Variants in EXD1 observed in about 807,000 individuals in gnomAD.
EXD1 encodes the protein piRNA biogenesis protein EXD1.
In EXD1, 63 loss-of-function variants were observed where a neutral mutation model predicts 49.1. The ratio of observed to expected loss-of-function variants is 1.28; its 90% CI spans 1.05 to 1.58. The LOEUF is 1.58. EXD1 is among the 40% of genes most tolerant of loss of function. EXD1 has a pLI of 0.00. For synonymous variants in EXD1, 234 were observed against 239.2 expected, an observed-to-expected ratio of 0.98 and a Z score of 0.20; for missense variants, 748 against 666.0, an observed-to-expected ratio of 1.12 and a Z score of -1.36.
chr15:41,204,409 G>A (rs2046790467), intron 7 of EXD1, among the ~76,000 whole-genome samples: 1 of 151,706 alleles, frequency 6.6e-6, no homozygotes, highest in Admixed American at 6.6e-5. Context: ...AAATTAGCCG[G>A]GCATGGTGGT....
chr15:41,218,777 T>C (rs1029902292), intron 3 of EXD1, among the ~76,000 whole-genome samples: 15 of 152,302 alleles, frequency 9.8e-5, no homozygotes, highest in Admixed American at 8.5e-4. Context: ...GACAGAGTGT[T>C]CATGACAGCA....
chr15:41,202,164 A>T (rs148317195), intron 7 of EXD1, among the ~76,000 whole-genome samples: 5,189 of 132,394 alleles, frequency 0.039, 121 homozygotes, highest in African/African-American at 0.054. Context: ...ATATATATAT[A>T]TATTTTTTTT....
rs2046370518 is a variant in EXD1 at position 41,184,334 on chromosome 15, T to A, written c.1316A>T (p.Lys439Ile). ...QDFHGDVNLL[K>I]EESLNKQATN... ...AGCTTGTTTATTCAAAGATTCTTCTTTCAGTAAATTCACATCCCCGTGAAA... is the reference window on the plus strand; with the variant it reads ...AGCTTGTTTATTCAAAGATTCTTCTATCAGTAAATTCACATCCCCGTGAAA... The change falls in exon 12 of 12, where the codon AAA (lysine) becomes ATA (isoleucine). Residue 439 changes from lysine (K) to isoleucine (I), a missense_variant. Coordinates refer to ENST00000458580, the MANE Select transcript of EXD1 (RefSeq NM_001286441.2). The A allele has an allele frequency of 6.2e-7, 1 of 1,614,198 alleles. No individual in the cohort carries two copies. The highest frequency in any genetic ancestry group is 8.5e-7 in the Non-Finnish European group (1 of 1,180,042).
At chr15:41,192,790 ATTTT>A (rs57676752) in intron 9 of EXD1, among the ~76,000 whole-genome samples, 3 of 74,766 alleles carry the variant, frequency 4.0e-5, no homozygotes, top group African/African-American at 6.6e-5. Context: ...TATTCTTAAG[ATTTT>A]TTTTTTTTTT....
chr15:41,205,003 A>C (rs1181546413), intron 7 of EXD1, among the ~76,000 whole-genome samples: 5 of 152,204 alleles, frequency 3.3e-5, no homozygotes, highest in African/African-American at 9.6e-5. Context: ...ACATTAGATC[A>C]TATCTTTTTG....
rs999793941 is a variant in EXD1 at position 41,183,994 on chromosome 15, G to A, written c.1656C>T (p.Leu552=). ...TCTTCTCCAAGGCTGGACAGGGAGG[G>A]AGTGTGGAAACCACAGTCTTTCTGA... is the stretch of plus-strand genomic sequence containing the variant. ...YPIRKTVVST[L]PPCPALEKID... The change falls in exon 12 of 12, where the codon CTC becomes CTT. Residue 552 remains leucine, a synonymous_variant. Transcript: ENST00000458580. 3 of 1,613,926 alleles carry A rather than the reference G, an allele frequency of 1.9e-6. No individual in the cohort carries two copies. Among genetic ancestry groups the A allele is most frequent in the African/African-American group, 2.7e-5 (2 of 74,916 alleles).
chr15:41,187,695 T>G (rs1362877775), intron 11 of EXD1, among the ~76,000 whole-genome samples: 2 of 152,150 alleles, frequency 1.3e-5, no homozygotes, highest in East Asian at 1.9e-4. Flanking sequence ...TTAAAAATAA[T>G]AACATATATA....
rs527801980 is a variant in EXD1, at chr15:41,184,536, G to C, written c.1114C>G (p.Arg372Gly). ...TATTCTCTTGCAGCTTTCTCCCTGC[G>C]CTGCTTCTGGAAGTCCTTGAGTTGA... ...LLQLKDFQKQ[R>G]REKAAREYRV... Residue 372 changes from arginine (R) to glycine (G), a missense_variant, in exon 12 of 12, where the codon CGC becomes GGC. By Grantham distance (125) the Arg-to-Gly change is moderately radical. Coordinates refer to ENST00000458580, the MANE Select transcript of EXD1 (RefSeq NM_001286441.2). 2.5e-6 allele frequency: 4 copies of C among 1,611,448 alleles called. No individual in the cohort carries two copies. The East Asian group carries it at 6.7e-5, about 27-fold the overall frequency.
rs138618450 is a variant in EXD1, at chr15:41,198,138, AC to A, written c.535-2102del. ...GATTTCCTGAAATATAGCTCCTAAAACCCTTGGAATCTTGAAAGTGAGTGAT... is the reference window on the plus strand; with the variant it reads ...GATTTCCTGAAATATAGCTCCTAAAACCTTGGAATCTTGAAAGTGAGTGAT... On this transcript the variant is annotated intron_variant, in intron 7 of 11. Transcript: ENST00000458580. 1.5e-3 allele frequency among the ~76,000 whole-genome samples: 225 copies of A among 152,144 alleles called. 2 individuals carry two copies. In the East Asian group the frequency reaches 0.036, roughly 24 times the overall value.
In EXD1 at chr15:41,230,705, G is replaced by C. The variant is rs2047229466; in HGVS notation, c.-280C>G. 3 of 725,192 alleles carry C rather than the reference G, an allele frequency of 4.1e-6. No homozygotes were observed. The highest frequency in any genetic ancestry group is 6.6e-6 in the Non-Finnish European group (3 of 452,296). 44.9% of individuals were successfully genotyped at this position (725,192 alleles called of 1,614,324 possible). ...ACCTGGAGAAAGGTCCGCGACGCCGGGGACACACGCCGCAGAGGCGACGCC... is the reference window on the plus strand; with the variant it reads ...ACCTGGAGAAAGGTCCGCGACGCCGCGGACACACGCCGCAGAGGCGACGCC... On this transcript the variant is annotated 5_prime_UTR_variant, in exon 1 of 12. Coordinates refer to ENST00000458580, the MANE Select transcript of EXD1 (RefSeq NM_001286441.2).
At position 41,219,863 on chromosome 15, in the gene EXD1, C is replaced by T. The variant is rs770129615; in HGVS notation, c.169G>A (p.Val57Met). 2.0e-6 allele frequency: 3 copies of T among 1,535,746 alleles called. No homozygotes were observed. In the East Asian group the frequency reaches 7.3e-5, roughly 38 times the overall value. Residue 57 changes from valine (V) to methionine (M), a missense_variant, in exon 3 of 12, where the codon GTG becomes ATG. Val to Met is a conservative substitution (Grantham distance 21). Transcript: ENST00000458580. ...NVETGRSVPG[V>M]KLFFGHEIVN... ...ATCTCATGCCCAAAAAACAACTTCA[C>T]TCCTGGGACACTTCGACCTGTCTCC... is the stretch of plus-strand genomic sequence containing the variant.
At chr15:41,190,566 T>C (rs2046497491) in intron 10 of EXD1, among the ~76,000 whole-genome samples, 1 of 152,238 alleles carries the variant, frequency 6.6e-6, no homozygotes, top group African/African-American at 2.4e-5. Context: ...TATTACCTTC[T>C]ATTTTCACAC....
intron 10 of EXD1, chr15:41,190,388 G>C: frequency 2.5e-6 from 1 of 398,506 alleles, no homozygotes; most frequent in Non-Finnish European, 4.8e-6. Flanking sequence ...CAGGAGAATC[G>C]CTTAAACCTG....
Position 41,184,327 on chromosome 15 carries a change from T to C in EXD1, c.1323A>G (p.Glu441=), listed in dbSNP as rs760691814. 2.5e-6 allele frequency: 4 copies of C among 1,614,236 alleles called. No individual in the cohort carries two copies. The highest frequency in any genetic ancestry group is 3.4e-6 in the Non-Finnish European group (4 of 1,180,042). ...GATTTGTAGCTTGTTTATTCAAAGA[T>C]TCTTCTTTCAGTAAATTCACATCCC... ...FHGDVNLLKE[E]SLNKQATNPQ... Residue 441 remains glutamate, a synonymous_variant, in exon 12 of 12, where the codon GAA becomes GAG. Coordinates refer to ENST00000458580, the MANE Select transcript of EXD1 (RefSeq NM_001286441.2).
At chr15:41,189,834 T>C in intron 11 of EXD1, 103 bp downstream of exon 11, 1 of 1,144,772 alleles carries the variant, frequency 8.7e-7, no homozygotes, top group Non-Finnish European at 1.3e-6. Context: ...ATCCCCAAGT[T>C]GACCCCATGA....
rs1421297783 is a variant in EXD1, at chr15:41,184,415, A to G, written c.1235T>C (p.Phe412Ser). 1 of 1,614,110 alleles carries G rather than the reference A, an allele frequency of 6.2e-7. No individual in the cohort carries two copies. The highest frequency in any genetic ancestry group is 2.2e-5 in the East Asian group (1 of 44,872). ...TATCCTAAAATTTTTACCAAATAAG[A>G]AGCCTTTGACTTTCTCCTCTTTCCC... ...TAGKEEKVKGFLFGKNFRIDK... is the reference protein window; with the variant it reads ...TAGKEEKVKGSLFGKNFRIDK... Residue 412 changes from phenylalanine (F) to serine (S), a missense_variant, in exon 12 of 12, where the codon TTC becomes TCC. Transcript: ENST00000458580.
chr15:41,219,769 A>G, intron 3 of EXD1, 61 bp downstream of exon 3: 2 of 1,352,254 alleles, frequency 1.5e-6, no homozygotes, highest in Non-Finnish European at 2.0e-6. Context: ...AAGACAAGAC[A>G]ATTTCAAATA....
At chr15:41,210,710 C>T (rs188129601) in intron 6 of EXD1, among the ~76,000 whole-genome samples, 1 of 152,084 alleles carries the variant, frequency 6.6e-6, no homozygotes, top group Admixed American at 6.6e-5. Flanking sequence ...CAGGTACACA[C>T]TCTTGTCCTT....
intron 7 of EXD1, among the ~76,000 whole-genome samples, chr15:41,203,778 G>A (rs1226793219): frequency 1.3e-5 from 2 of 151,602 alleles, no homozygotes; most frequent in South Asian, 2.1e-4. Flanking sequence ...TTAGCCGGGC[G>A]TGGTGGCACA....
Sources: allele counts gnomAD v4.1 joint callset (sites outside exome capture counted in the v4.1 genomes callset), GRCh38; gene constraint gnomAD v4.1.1; transcripts MANE v1.5; gene names NCBI Gene and HGNC (gene_info 2026-07-23, HGNC 2026-07-21).